The following SLC12A6 variants were observed in gnomAD, a reference collection of about 807,000 sequenced individuals.
SLC12A6 encodes K-Cl cotransporter 3.
SLC12A6 carries 66 observed loss-of-function variants against 135.3 expected under a neutral mutation model. The observed-to-expected ratio is 0.49, with a 90% confidence interval of 0.40 to 0.60. SLC12A6 has a LOEUF of 0.60. Ranked by LOEUF, SLC12A6 falls within the 20% of genes least tolerant of loss-of-function variation. SLC12A6 has a pLI of 0.00. For synonymous variants in SLC12A6, 513 were observed against 508.8 expected, an observed-to-expected ratio of 1.01 and a Z score of -0.11; for missense variants, 1,058 against 1,452.3, an observed-to-expected ratio of 0.73 and a Z score of 4.41.
intron 1 of SLC12A6, 184 bp from the exon 2 acceptor site, chr15:34,336,936 A>C: frequency 1.1e-4 from 56 of 505,032 alleles, no homozygotes; most frequent in East Asian, 3.0e-4. Flanking sequence ...AGACAAAACA[A>C]TGCCAATCTT....
intron 5 of SLC12A6, among the ~76,000 whole-genome samples, chr15:34,258,075 C>A (rs970723802): frequency 6.6e-6 from 1 of 152,152 alleles, no homozygotes; most frequent in Admixed American, 6.6e-5. Context: ...GCACCCACAA[C>A]AATTTAAAAT....
At chr15:34,282,685 A>C (rs1894766816) in intron 2 of SLC12A6, among the ~76,000 whole-genome samples, 1 of 152,198 alleles carries the variant, frequency 6.6e-6, no homozygotes, top group South Asian at 2.1e-4. Context: ...CCAGAAGTTC[A>C]AGGTTGCAAT....
chr15:34,289,356 C>CT (rs1484521964), intron 2 of SLC12A6, among the ~76,000 whole-genome samples: 1 of 152,158 alleles, frequency 6.6e-6, no homozygotes, highest in African/African-American at 2.4e-5. Context: ...GGTGGATAAG[C>CT]TTTTTGATGT....
At chr15:34,304,918 C>T (rs6495649) in intron 2 of SLC12A6, among the ~76,000 whole-genome samples, 5,967 of 152,204 alleles carry the variant, frequency 0.039, 216 homozygotes, top group African/African-American at 0.098. Context: ...GGCTAAAACC[C>T]CTTCTTGAAT....
chr15:34,240,955 G>A (rs1891603441), intron 18 of SLC12A6, 126 bp from the exon 19 acceptor site: 3 of 771,838 alleles, frequency 3.9e-6, no homozygotes, highest in Non-Finnish European at 6.7e-6. Flanking sequence ...AGAAGGAAGA[G>A]ATCACAGGAG....
In SLC12A6 at chr15:34,250,686, A is replaced by G. The variant is rs746976148; in HGVS notation, c.1536T>C (p.Ala512=). 1 of 1,608,034 alleles carries G rather than the reference A, an allele frequency of 6.2e-7. No homozygotes were observed. The highest frequency in any genetic ancestry group is 1.1e-5 in the South Asian group (1 of 90,968). ...TAGTACCAATCGGAATAGACTTCTG[A>G]GCATCTTTCAGATCTCCAGATCTGT... ...GSNRSGDLKD[A]QKSIPIGTIL... Residue 512 remains alanine, a synonymous_variant, in exon 12 of 26, where the codon GCT becomes GCC. Coordinates refer to ENST00000354181, the MANE Select transcript of SLC12A6 (RefSeq NM_001365088.1).
chr15:34,311,331 A>G (rs546491799), intron 2 of SLC12A6, among the ~76,000 whole-genome samples: 1 of 152,290 alleles, frequency 6.6e-6, no homozygotes, highest in South Asian at 2.1e-4. Flanking sequence ...ATTTTTTAAT[A>G]CATATATTTT....
In SLC12A6 at chr15:34,258,892, T is replaced by C. The variant is rs1486304271; in HGVS notation, c.464A>G (p.Asn155Ser). 3.1e-6 allele frequency: 5 copies of C among 1,611,804 alleles called. No homozygotes were observed. The highest frequency in any genetic ancestry group is 3.4e-6 in the Non-Finnish European group (4 of 1,177,866). ...KVSSLLNRMANYTNLTQGAKE... is the reference protein window; with the variant it reads ...KVSSLLNRMASYTNLTQGAKE... ...TGCTCCTTGAGTCAGATTAGTGTAA[T>C]TGGCCATGCGGTTGAGGAGGGAAGA... The change falls in exon 5 of 26, where the codon AAT becomes AGT. Residue 155 changes from asparagine to serine, a missense_variant. Transcript: ENST00000354181.
chr15:34,242,121 T>G lies in SLC12A6; in HGVS notation c.2143A>C (p.Lys715Gln), dbSNP rs1891684226. 2 of 1,601,724 alleles carry G rather than the reference T, an allele frequency of 1.2e-6. No individual in the cohort carries two copies. Among genetic ancestry groups the G allele is most frequent in the Admixed American group, 1.7e-5 (1 of 59,996 alleles). ...ACTCACCCTTGGTATTCAATGTACT[T>G]GTAGATCATACCAGCTATTACCATG... is the stretch of plus-strand genomic sequence containing the variant. ...VAMVIAGMIY[K>Q]YIEYQGAEKE... The change falls in exon 17 of 26, where the codon AAG becomes CAG. Residue 715 changes from lysine to glutamine, a missense_variant. Physicochemically the swap from Lys to Gln is moderately conservative, Grantham distance 53. Around this residue, in one of 6 missense-constraint regions of SLC12A6, gnomAD observed 170 missense variants for 297.6 expected, o/e 0.57. Coordinates refer to ENST00000354181, the MANE Select transcript of SLC12A6 (RefSeq NM_001365088.1).
chr15:34,303,178 G>A (rs1299326452), intron 2 of SLC12A6, among the ~76,000 whole-genome samples: 2 of 152,144 alleles, frequency 1.3e-5, no homozygotes, highest in Non-Finnish European at 2.9e-5. Context: ...GAATTAGGGG[G>A]ACTAAGAGAC....
intron 2 of SLC12A6, chr15:34,314,931 G>T (rs1312492681): frequency 2.6e-5 from 4 of 152,154 alleles, no homozygotes; most frequent in Non-Finnish European, 4.4e-5. Flanking sequence ...AAATAATGCA[G>T]ATATGGTGGA....
chr15:34,290,538 A>G (rs535847990), intron 2 of SLC12A6, among the ~76,000 whole-genome samples: 1 of 152,208 alleles, frequency 6.6e-6, no homozygotes, highest in Admixed American at 6.5e-5. Flanking sequence ...TATCCTTGTT[A>G]ATTTTCTGTC....
intron 6 of SLC12A6, among the ~76,000 whole-genome samples, chr15:34,256,923 A>G (rs894985038): frequency 6.6e-6 from 1 of 152,228 alleles, no homozygotes; most frequent in Non-Finnish European, 1.5e-5. Context: ...TTAAGAAGCC[A>G]AACACAGCCT....
chr15:34,245,871 G>C lies in SLC12A6; in HGVS notation c.1650-4C>G. The C allele has an allele frequency of 6.2e-7, 1 of 1,608,488 alleles. No homozygotes were observed. The highest frequency in any genetic ancestry group is 8.5e-7 in the Non-Finnish European group (1 of 1,174,986). On this transcript the variant is annotated splice_polypyrimidine_tract_variant and splice_region_variant and intron_variant, in intron 13 of 25. Coordinates refer to ENST00000354181, the MANE Select transcript of SLC12A6 (RefSeq NM_001365088.1). ...ACCTTTCACAGCATCACCGAACCTGGGAAAGAAATAGGAGTGGGAAATTTA... is the reference window on the plus strand; with the variant it reads ...ACCTTTCACAGCATCACCGAACCTGCGAAAGAAATAGGAGTGGGAAATTTA...
intron 2 of SLC12A6, among the ~76,000 whole-genome samples, chr15:34,292,636 G>A (rs1388823093): frequency 1.3e-5 from 2 of 152,164 alleles, no homozygotes; most frequent in Non-Finnish European, 2.9e-5. Context: ...GCTGAGCTGT[G>A]GTGTGCTCTG....
chr15:34,238,233 T>C lies in SLC12A6; in HGVS notation c.2801A>G (p.Lys934Arg), dbSNP rs1263841029. ...MLLPFLLKQHKVWRKCSIRIF... is the reference protein window; with the variant it reads ...MLLPFLLKQHRVWRKCSIRIF... ...TAAAAAAAAAGTTGTATAAAATACC[T>C]TGTGCTGTTTCAGTAGGAATGGTAG... The change falls in exon 21 of 26, where the codon AAG (lysine) becomes AGG (arginine). Residue 934 changes from lysine (K) to arginine (R), a missense_variant and splice_region_variant. Physicochemically the swap from Lys to Arg is conservative, Grantham distance 26 (BLOSUM62 2). Coordinates refer to ENST00000354181, the MANE Select transcript of SLC12A6 (RefSeq NM_001365088.1). The C allele has an allele frequency of 6.2e-7, 1 of 1,610,354 alleles. No individual in the cohort carries two copies.
Position 34,235,276 on chromosome 15 carries a change from T to C in SLC12A6, c.3266A>G (p.Lys1089Arg), listed in dbSNP as rs763190677. The change falls in exon 25 of 26, where the codon AAA becomes AGA. Residue 1089 changes from lysine (K) to arginine (R), a missense_variant. Lys to Arg is a conservative substitution (Grantham distance 26, BLOSUM62 2). Around this residue, in one of 6 missense-constraint regions of SLC12A6, gnomAD observed 245 missense variants for 440.8 expected, o/e 0.56. Coordinates refer to ENST00000354181, the MANE Select transcript of SLC12A6 (RefSeq NM_001365088.1). The part of the protein sequence containing the change: ...SNVRRMHTAV[K>R]LNEVIVNKSH... The stretch of plus-strand genomic sequence containing the variant: ...CTTGTTAACTATAACCTCGTTGAGT[T>C]TCACTGCTGTATGCATCCGCCTCAC... The C allele has an allele frequency of 1.2e-6, 2 of 1,613,224 alleles. No homozygotes were observed. Among genetic ancestry groups the C allele is most frequent in the Admixed American group, 3.3e-5 (2 of 60,022 alleles).
At chr15:34,246,422 T>A (rs1321471577) in intron 13 of SLC12A6, among the ~76,000 whole-genome samples, 1 of 152,178 alleles carries the variant, frequency 6.6e-6, no homozygotes, top group African/African-American at 2.4e-5. Context: ...TATCTGCTTT[T>A]TAGAAAAATC....
At chr15:34,236,602 A>G (rs895577587) in intron 23 of SLC12A6, 106 bp downstream of exon 23, 6 of 800,772 alleles carry the variant, frequency 7.5e-6, no homozygotes, top group South Asian at 1.4e-5. Flanking sequence ...TCGGCCTCCA[A>G]AAGTGCTGGG....
Sources: gnomAD v4.1 joint callset for allele counts (sites outside exome capture counted in the v4.1 genomes callset) on GRCh38, gnomAD v4.1.1 for gene constraint, gnomAD v4.1.1 regional missense constraint, MANE v1.5 for transcripts, NCBI Gene and HGNC (gene_info 2026-07-23, HGNC 2026-07-21) for gene names.